The following CTDSPL variants were observed in gnomAD, a reference collection of about 807,000 sequenced individuals.
The protein encoded by CTDSPL is CTD small phosphatase like, also known as CTD small phosphatase-like protein.
In CTDSPL, 8 loss-of-function variants were observed where a neutral mutation model predicts 30.5. That is an observed-to-expected ratio of 0.26 (90% confidence interval 0.15 to 0.47). The LOEUF is 0.47. CTDSPL is among the 20% of genes least tolerant of loss of function. The pLI is 0.99. For synonymous variants in CTDSPL, 110 were observed against 137.9 expected, an observed-to-expected ratio of 0.80 and a Z score of 1.42; for missense variants, 248 against 366.1, an observed-to-expected ratio of 0.68 and a Z score of 2.63.
intron 7 of CTDSPL, among the ~76,000 whole-genome samples, 180 bp from the exon 8 acceptor site, chr3:37,980,562 A>G (rs1021589177): frequency 1.4e-4 from 22 of 152,248 alleles, no homozygotes; most frequent in Non-Finnish European, 2.9e-4. Flanking sequence ...CTCCCAAGCC[A>G]TTTAGCTTTG....
intron 3 of CTDSPL, among the ~76,000 whole-genome samples, chr3:37,963,497 G>A (rs1405103911): frequency 1.3e-5 from 2 of 151,948 alleles, no homozygotes; most frequent in Non-Finnish European, 2.9e-5. Context: ...CATTCTTCAG[G>A]GGCTCAGAAT....
At chr3:37,912,825 A>G (rs186805063) in intron 1 of CTDSPL, among the ~76,000 whole-genome samples, 98 of 152,328 alleles carry the variant, frequency 6.4e-4, no homozygotes, top group Non-Finnish European at 1.2e-3. Context: ...TCTCATCATC[A>G]TAGCCCAACA....
At chr3:37,921,825 T>G (rs763431821) in intron 1 of CTDSPL, among the ~76,000 whole-genome samples, 1 of 152,186 alleles carries the variant, frequency 6.6e-6, no homozygotes, top group African/African-American at 2.4e-5. Flanking sequence ...TGGTTCCTGT[T>G]GTCTTGGGCC....
chr3:37,979,311 G>A (rs113460504), intron 7 of CTDSPL, among the ~76,000 whole-genome samples: 9,314 of 143,700 alleles, frequency 0.065, 379 homozygotes, highest in African/African-American at 0.12. Flanking sequence ...AAAAAAAAAA[G>A]AAAAAAAAAA....
rs1275701762 is a variant in CTDSPL at position 37,978,565 on chromosome 3, C to T, written c.706-2177C>T. On this transcript the variant is annotated intron_variant, in intron 7 of 7. Coordinates refer to ENST00000273179, the MANE Select transcript of CTDSPL (RefSeq NM_001008392.2). ...GTATCATGTGCCTGTGTTTTCACTA[C>T]CACCTGGCACACGAGGTCAAGTGTA... Among the ~76,000 whole-genome samples the T allele has an allele frequency of 1.5e-4, 23 of 152,116 alleles. 1 individual carries two copies. Among genetic ancestry groups the T allele is most frequent in the Admixed American group, 1.5e-3 (23 of 15,254 alleles).
intron 1 of CTDSPL, among the ~76,000 whole-genome samples, chr3:37,909,390 G>C (rs989348613): frequency 6.6e-6 from 1 of 152,252 alleles, no homozygotes; most frequent in African/African-American, 2.4e-5. Context: ...TCCTAGGGCT[G>C]AGCAGGTCTT....
intron 1 of CTDSPL, among the ~76,000 whole-genome samples, chr3:37,886,096 T>A (rs1256405368): frequency 6.6e-6 from 1 of 152,160 alleles, no homozygotes; most frequent in Non-Finnish European, 1.5e-5. Context: ...CAAGTGTCTC[T>A]AACTGAGCCC....
At chr3:37,968,995 G>C (rs1327217363) in intron 5 of CTDSPL, among the ~76,000 whole-genome samples, 1 of 152,192 alleles carries the variant, frequency 6.6e-6, no homozygotes, top group African/African-American at 2.4e-5. Flanking sequence ...TTTTTTCCTA[G>C]TGTTTCCACA....
At chr3:37,961,455 G>A (rs988308456) in intron 3 of CTDSPL, among the ~76,000 whole-genome samples, 1 of 152,082 alleles carries the variant, frequency 6.6e-6, no homozygotes, top group Non-Finnish European at 1.5e-5. Context: ...GAGTCCTACC[G>A]ATCCCATACT....
At chr3:37,883,078 T>C (rs2125593141) in intron 1 of CTDSPL, among the ~76,000 whole-genome samples, 1 of 152,366 alleles carries the variant, frequency 6.6e-6, no homozygotes, top group South Asian at 2.1e-4. Flanking sequence ...GAATTTATTT[T>C]GGGAATAAAG....
Position 37,967,810 on chromosome 3 carries a change from T to C in CTDSPL, c.370-16T>C. On this transcript the variant is annotated splice_polypyrimidine_tract_variant and intron_variant, in intron 4 of 7. Coordinates refer to ENST00000273179, the MANE Select transcript of CTDSPL (RefSeq NM_001008392.2). ...GTTCCTTCAGACATATTAATTATAGTCTCTTTTTTCTCTAGCCTATTAGTA... is the reference window on the plus strand; with the variant it reads ...GTTCCTTCAGACATATTAATTATAGCCTCTTTTTTCTCTAGCCTATTAGTA... 1 of 1,557,712 alleles carries C rather than the reference T, an allele frequency of 6.4e-7. No homozygotes were observed. Among genetic ancestry groups the C allele is most frequent in the Non-Finnish European group, 8.7e-7 (1 of 1,146,602 alleles).
intron 3 of CTDSPL, among the ~76,000 whole-genome samples, chr3:37,960,535 T>TACAC (rs71288085): frequency 0.069 from 1,120 of 16,218 alleles, 105 homozygotes; most frequent in Middle Eastern, 0.12. Context: ...TATATATATA[T>TACAC]ACACACACAC....
Position 37,944,670 on chromosome 3 carries a change from A to T in CTDSPL, c.80-2387A>T, listed in dbSNP as rs1411382191. ...TCCAAGAGTGATTAGAAAATTAGCCACTGAGCCTCCAAGAGGTTCCTGCAG... is the reference window on the plus strand; with the variant it reads ...TCCAAGAGTGATTAGAAAATTAGCCTCTGAGCCTCCAAGAGGTTCCTGCAG... On this transcript the variant is annotated intron_variant, in intron 1 of 7. Transcript: ENST00000273179. 4 of 150,320 alleles carry T rather than the reference A, an allele frequency of 2.7e-5. No individual in the cohort carries two copies. In the South Asian group the frequency reaches 6.4e-4, roughly 24 times the overall value. The allele number at this position is 150,320 out of a possible 1,614,324, so 9.3% of individuals were successfully genotyped here. A position where few individuals can be genotyped will look rare whatever the true frequency, so the allele number is the denominator to read the frequency against.
rs574904159 is a variant in CTDSPL at position 37,924,220 on chromosome 3, T to C, written c.80-22837T>C. Among the ~76,000 whole-genome samples the C allele has an allele frequency of 1.3e-3, 202 of 152,378 alleles. 1 individual carries two copies. The highest frequency in any genetic ancestry group is 2.2e-3 in the Non-Finnish European group (149 of 68,030). On this transcript the variant is annotated intron_variant, in intron 1 of 7. Coordinates refer to ENST00000273179, the MANE Select transcript of CTDSPL (RefSeq NM_001008392.2). The stretch of plus-strand genomic sequence containing the variant: ...TATTCGGCCTAAAGAGAGAAGAGTA[T>C]TGTGTGTCCTGTTTATATGATGAAA...
At position 37,984,445 on chromosome 3, in the gene CTDSPL, C is replaced by T; in HGVS notation, c.*3578C>T. 5.2e-6 allele frequency: 2 copies of T among 387,002 alleles called. No homozygotes were observed. The highest frequency in any genetic ancestry group is 3.7e-5 in the South Asian group (2 of 54,512). The allele number at this position is 387,002 out of a possible 1,614,324, so 24.0% of individuals were successfully genotyped here. Reference sequence around the variant, plus strand: ...AAGGTTTGCAATGATTTCCTTCCTGCCAAAAATAAACATGTGAAACTGCAC... The same window carrying T: ...AAGGTTTGCAATGATTTCCTTCCTGTCAAAAATAAACATGTGAAACTGCAC... On this transcript the variant is annotated 3_prime_UTR_variant, in exon 8 of 8. Coordinates refer to ENST00000273179, the MANE Select transcript of CTDSPL (RefSeq NM_001008392.2).
intron 1 of CTDSPL, among the ~76,000 whole-genome samples, chr3:37,911,979 T>G (rs151218970): frequency 8.5e-5 from 13 of 152,152 alleles, no homozygotes; most frequent in Admixed American, 7.9e-4. Flanking sequence ...GGAGAACTGC[T>G]TGAACCTGGG....
intron 4 of CTDSPL, among the ~76,000 whole-genome samples, chr3:37,965,284 C>T (rs1182419295): frequency 6.6e-6 from 1 of 152,206 alleles, no homozygotes; most frequent in East Asian, 1.9e-4. Flanking sequence ...AGGTCAGACA[C>T]TCTTCCTTCC....
rs571395308 is a variant in CTDSPL, at chr3:37,900,315, C to T, written c.79+38037C>T. ...AATTAGGCTGAGGGAATATCTAATA[C>T]GAAACATGTATACAACCCCTGAACT... On this transcript the variant is annotated intron_variant, in intron 1 of 7. Coordinates refer to ENST00000273179, the MANE Select transcript of CTDSPL (RefSeq NM_001008392.2). 4.7e-4 allele frequency among the ~76,000 whole-genome samples: 72 copies of T among 152,234 alleles called. No individual in the cohort carries two copies. The South Asian group carries it at 8.7e-3, about 18-fold the overall frequency.
chr3:37,908,338 A>G (rs954855328), intron 1 of CTDSPL, among the ~76,000 whole-genome samples: 16 of 152,392 alleles, frequency 1.0e-4, no homozygotes, highest in South Asian at 2.1e-4. Context: ...TAAGCCTGTA[A>G]GAAGAGACTG....
Sources: allele counts gnomAD v4.1 joint callset (sites outside exome capture counted in the v4.1 genomes callset), GRCh38; gene constraint gnomAD v4.1.1; transcripts MANE v1.5; gene names NCBI Gene and HGNC (gene_info 2026-07-23, HGNC 2026-07-21).